DENND11: variants seen among roughly 807,000 people sequenced by gnomAD.
DENND11 encodes DENN domain containing 11.
A neutral mutation model predicts 49.2 loss-of-function variants in DENND11; 34 were observed. That is an observed-to-expected ratio of 0.69 (90% CI 0.53 to 0.92). The LOEUF is 0.92. Among genes scored for constraint, DENND11 ranks in the 40% least tolerant of loss-of-function variants. The pLI, the probability that DENND11 is intolerant of heterozygous loss-of-function variation, is 0.00. For synonymous variants in DENND11, 238 were observed against 230.3 expected (o/e 1.03, Z -0.30); for missense variants, 475 against 581.6 (o/e 0.82, Z 1.88).
intron 3 of DENND11, among the ~76,000 whole-genome samples, chr7:141,675,354 TG>T (rs1411458317): frequency 6.6e-6 from 1 of 152,082 alleles, no homozygotes; most frequent in Non-Finnish European, 1.5e-5. Flanking sequence ...TCTAGAACAG[TG>T]AGACAGTATG....
intron 1 of DENND11, among the ~76,000 whole-genome samples, chr7:141,700,283 AAT>A (rs1167577511): frequency 5.9e-5 from 9 of 152,206 alleles, no homozygotes; most frequent in East Asian, 1.9e-4. Flanking sequence ...CAGTATAAGC[AAT>A]ATGATTAGTT....
intron 1 of DENND11, among the ~76,000 whole-genome samples, chr7:141,698,955 G>T (rs1798459990): frequency 6.6e-6 from 1 of 152,024 alleles, no homozygotes; most frequent in Admixed American, 6.6e-5. Flanking sequence ...GGAGGGTTGA[G>T]GTGGGTGTGG....
intron 4 of DENND11, among the ~76,000 whole-genome samples, chr7:141,668,037 C>T (rs773077188): frequency 1.3e-5 from 2 of 152,244 alleles, no homozygotes; most frequent in Non-Finnish European, 2.9e-5. Flanking sequence ...TGCCAAAGCA[C>T]GTGCCGGTTC....
At position 141,658,087 on chromosome 7, in the gene DENND11, A is replaced by G. The variant is rs1415285218; in HGVS notation, c.*4569T>C. The G allele has an allele frequency of 2.0e-5, 3 of 152,170 alleles. No individual in the cohort carries two copies. Among genetic ancestry groups the G allele is most frequent in the Non-Finnish European group, 4.4e-5 (3 of 68,028 alleles). The allele number at this position is 152,170 out of a possible 1,614,324, so 9.4% of individuals were successfully genotyped here. A position where few individuals can be genotyped will look rare whatever the true frequency, so the allele number is the denominator to read the frequency against. On this transcript the variant is annotated 3_prime_UTR_variant, in exon 9 of 9. Coordinates refer to ENST00000536163, the MANE Select transcript of DENND11 (RefSeq NM_001080392.2). ...AAATTATTTACATAGTAAAACTTCT[A>G]TGGGGTCTCAGCCACCACCAAATTA... is the stretch of plus-strand genomic sequence containing the variant.
chr7:141,674,142 A>G lies in DENND11; in HGVS notation c.606T>C (p.Gly202=), dbSNP rs892161898. 1.3e-6 allele frequency: 2 copies of G among 1,583,384 alleles called. No homozygotes were observed. The highest frequency in any genetic ancestry group is 1.7e-6 in the Non-Finnish European group (2 of 1,164,672). ...GGGGCAGGCTGCTGCCTCTGCCGGG[A>G]CCAGCATGGAGCACCCCCTTTTTGT... ...YEDKKGVLHA[G]PGRGSSLPPV... is the part of the protein sequence containing the mutation. The change falls in exon 4 of 9, where the codon GGT becomes GGC. Residue 202 remains glycine, a synonymous_variant. Coordinates refer to ENST00000536163, the MANE Select transcript of DENND11 (RefSeq NM_001080392.2).
chr7:141,689,615 A>G (rs1382881168), intron 1 of DENND11, among the ~76,000 whole-genome samples: 2 of 151,266 alleles, frequency 1.3e-5, no homozygotes, highest in Non-Finnish European at 2.9e-5. Flanking sequence ...AACTTTTAAA[A>G]AAAGTGCACA....
At chr7:141,676,475 T>TA (rs1419771354) in intron 3 of DENND11, among the ~76,000 whole-genome samples, 2 of 152,228 alleles carry the variant, frequency 1.3e-5, no homozygotes, top group African/African-American at 4.8e-5. Flanking sequence ...GTACAAAAGT[T>TA]AGAGTCCTTT....
intron 3 of DENND11, among the ~76,000 whole-genome samples, chr7:141,684,996 A>C (rs912306447): frequency 1.5e-5 from 2 of 132,360 alleles, no homozygotes; most frequent in African/African-American, 5.6e-5. Flanking sequence ...GCAATATAGT[A>C]AGAGCCTGTC....
intron 7 of DENND11, among the ~76,000 whole-genome samples, chr7:141,664,509 G>T (rs911033317): frequency 6.6e-6 from 1 of 152,172 alleles, no homozygotes; most frequent in African/African-American, 2.4e-5. Context: ...CCAGATTATT[G>T]ACAATGACAT....
At position 141,658,203 on chromosome 7, in the gene DENND11, T is replaced by TA. The variant is rs954833546; in HGVS notation, c.*4452dup. 6.6e-6 allele frequency: 1 copy of TA among 152,146 alleles called. No individual in the cohort carries two copies. The highest frequency in any genetic ancestry group is 1.5e-5 in the Non-Finnish European group (1 of 68,022). 9.4% of individuals were successfully genotyped at this position (152,146 alleles called of 1,614,324 possible). A position where few individuals can be genotyped will look rare whatever the true frequency, so the allele number is the denominator to read the frequency against. On this transcript the variant is annotated 3_prime_UTR_variant, in exon 9 of 9. Transcript: ENST00000536163. ...TCAGTTCATCACATAGTAATATCAA[T>TA]AAAAAAATAAACTTCCATTTCTTAT...
intron 1 of DENND11, among the ~76,000 whole-genome samples, chr7:141,694,512 C>A (rs927003142): frequency 5.9e-5 from 9 of 152,146 alleles, no homozygotes; most frequent in Non-Finnish European, 1.3e-4. Context: ...CCTTCCACCT[C>A]TGTCTTCCAA....
chr7:141,685,039 T>A (rs539962414), intron 3 of DENND11, among the ~76,000 whole-genome samples: 5,047 of 121,224 alleles, frequency 0.042, 180 homozygotes, highest in East Asian at 0.081. Context: ...AATATATATA[T>A]ATATATATAT....
intron 3 of DENND11, among the ~76,000 whole-genome samples, chr7:141,677,437 G>T (rs1360449772): frequency 7.0e-6 from 1 of 143,196 alleles, no homozygotes; most frequent in East Asian, 2.0e-4. Flanking sequence ...ATATATATGT[G>T]TGTGTGTGTG....
chr7:141,687,389 G>A (rs1469909787), intron 1 of DENND11, among the ~76,000 whole-genome samples: 3 of 152,070 alleles, frequency 2.0e-5, no homozygotes, highest in Non-Finnish European at 4.4e-5. Context: ...ATTCCAGAGA[G>A]AAATGAGGAG....
intron 5 of DENND11, among the ~76,000 whole-genome samples, chr7:141,665,687 T>C (rs1428830104): frequency 6.6e-6 from 1 of 152,134 alleles, no homozygotes; most frequent in African/African-American, 2.4e-5. Flanking sequence ...GTCCACTTCC[T>C]GTGCCTGGAA....
chr7:141,658,253 A>T lies in DENND11; in HGVS notation c.*4403T>A, dbSNP rs946874843. On this transcript the variant is annotated 3_prime_UTR_variant, in exon 9 of 9. Coordinates refer to ENST00000536163, the MANE Select transcript of DENND11 (RefSeq NM_001080392.2). ...TAAGAAAAACATTAACTTAATTCACAGTTAGCCTTTTCCCACAACACTCAA... is the reference window on the plus strand; with the variant it reads ...TAAGAAAAACATTAACTTAATTCACTGTTAGCCTTTTCCCACAACACTCAA... 3 of 152,238 alleles carry T rather than the reference A, an allele frequency of 2.0e-5. No homozygotes were observed. Among genetic ancestry groups the T allele is most frequent in the Non-Finnish European group, 4.4e-5 (3 of 68,036 alleles). The allele number at this position is 152,238 out of a possible 1,614,324, so 9.4% of individuals were successfully genotyped here. A position where few individuals can be genotyped will look rare whatever the true frequency, so the allele number is the denominator to read the frequency against.
chr7:141,669,483 T>A (rs1587206312), intron 4 of DENND11, among the ~76,000 whole-genome samples: 1 of 66,388 alleles, frequency 1.5e-5, no homozygotes, highest in Admixed American at 2.4e-4. Flanking sequence ...CCTGATCTCA[T>A]GATCCACCTG....
chr7:141,680,457 T>C (rs151090411), intron 3 of DENND11, among the ~76,000 whole-genome samples: 153 of 152,166 alleles, frequency 1.0e-3, no homozygotes, highest in African/African-American at 3.5e-3. Context: ...GATTTTTCAC[T>C]TTATGTGAGT....
intron 4 of DENND11, among the ~76,000 whole-genome samples, chr7:141,672,557 TGATCTTAGA>T (rs1797999869): frequency 6.6e-6 from 1 of 152,238 alleles, no homozygotes; most frequent in Non-Finnish European, 1.5e-5. Context: ...AACACCCACC[TGATCTTAGA>T]GGTGGATACC....
Sources: gnomAD v4.1 joint callset for allele counts (sites outside exome capture counted in the v4.1 genomes callset) on GRCh38, gnomAD v4.1.1 for gene constraint, MANE v1.5 for transcripts, NCBI Gene and HGNC (gene_info 2026-07-23, HGNC 2026-07-21) for gene names.